The following RASEF variants were observed in gnomAD, a reference collection of about 807,000 sequenced individuals.
RASEF encodes the protein ras and EF-hand domain-containing protein.
RASEF carries 68 observed loss-of-function variants against 90.1 expected under a neutral mutation model. The ratio of observed to expected loss-of-function variants is 0.75; its 90% CI spans 0.62 to 0.92. The LOEUF is 0.92. Ranked by LOEUF, RASEF falls within the 40% of genes least tolerant of loss-of-function variation. RASEF has a pLI of 0.00. For synonymous variants in RASEF, 331 were observed against 345.2 expected, an observed-to-expected ratio of 0.96 and a Z score of 0.46; for missense variants, 949 against 937.2, an observed-to-expected ratio of 1.01 and a Z score of -0.16.
the RASEF span, among the ~76,000 whole-genome samples, chr9:83,112,984 T>TA: frequency 1.2e-4 from 18 of 152,152 alleles, no homozygotes; most frequent in East Asian, 1.9e-4. Flanking sequence ...TTTTATAGTT[T>TA]AAAAAACACT....
the RASEF span, among the ~76,000 whole-genome samples, chr9:83,104,469 G>T: frequency 1.3e-5 from 2 of 152,114 alleles, no homozygotes; most frequent in African/African-American, 4.8e-5. Context: ...TAAAGAGATG[G>T]ACAATATAAG....
At chr9:83,111,821 G>T in the RASEF span, among the ~76,000 whole-genome samples, 1 of 151,720 alleles carries the variant, frequency 6.6e-6, no homozygotes, top group African/African-American at 2.4e-5. Context: ...AACAATGGAA[G>T]AAAGCATAAA....
chr9:83,132,133 G>A, the RASEF span, among the ~76,000 whole-genome samples: 3 of 152,072 alleles, frequency 2.0e-5, no homozygotes, highest in Non-Finnish European at 4.4e-5. Flanking sequence ...GTGACCACTT[G>A]TAATAAAAAA....
intron 1 of RASEF, among the ~76,000 whole-genome samples, chr9:83,044,122 C>G (rs1371630845): frequency 6.6e-6 from 1 of 152,146 alleles, no homozygotes; most frequent in African/African-American, 2.4e-5. Flanking sequence ...CCCATTCCTA[C>G]TGGAAAAAAT....
At chr9:82,999,690 G>A (rs913616308) in intron 12 of RASEF, among the ~76,000 whole-genome samples, 1 of 144,684 alleles carries the variant, frequency 6.9e-6, no homozygotes, top group Admixed American at 7.0e-5. Context: ...TGCAACCTCC[G>A]CCTCCCAGGT....
intron 1 of RASEF, among the ~76,000 whole-genome samples, chr9:83,029,389 CCTT>C (rs1482761604): frequency 2.0e-5 from 3 of 150,076 alleles, no homozygotes; most frequent in Non-Finnish European, 3.0e-5. Context: ...CCCAGACTTG[CCTT>C]CTTTTTTTTT....
At chr9:83,048,373 G>A in intron 1 of RASEF, 3 of 985,294 alleles carry the variant, frequency 3.0e-6, no homozygotes, top group Non-Finnish European at 3.6e-6. Context: ...CTGAGATCTG[G>A]ACCCAGGCCA....
chr9:83,063,927 C>G (rs1221121959), upstream of RASEF, among the ~76,000 whole-genome samples: 1 of 152,208 alleles, frequency 6.6e-6, no homozygotes, highest in Non-Finnish European at 1.5e-5. Flanking sequence ...GACCCTCAGT[C>G]TGTCATACGG....
the RASEF span, among the ~76,000 whole-genome samples, chr9:83,201,491 A>G: frequency 6.6e-6 from 1 of 152,228 alleles, no homozygotes; most frequent in Non-Finnish European, 1.5e-5. Flanking sequence ...CAACTACTTA[A>G]CCAATCTAGT....
chr9:83,080,408 T>C, the RASEF span, among the ~76,000 whole-genome samples: 70,525 of 152,082 alleles, frequency 0.46, 16,808 homozygotes, highest in East Asian at 0.69. Flanking sequence ...CTAAGTATGA[T>C]GGTCTTTGCC....
chr9:83,176,554 A>C, the RASEF span, among the ~76,000 whole-genome samples: 1 of 152,094 alleles, frequency 6.6e-6, no homozygotes, highest in African/African-American at 2.4e-5. Context: ...CATTAAGTGA[A>C]TATTTATTTT....
chr9:83,133,393 A>G, the RASEF span, among the ~76,000 whole-genome samples: 1 of 152,216 alleles, frequency 6.6e-6, no homozygotes, highest in Non-Finnish European at 1.5e-5. Flanking sequence ...GTGAAATGGT[A>G]ATTAAGCTAA....
the RASEF span, among the ~76,000 whole-genome samples, chr9:83,100,219 A>G: frequency 6.6e-6 from 1 of 152,224 alleles, no homozygotes; most frequent in Non-Finnish European, 1.5e-5. Flanking sequence ...TTCAACTTTT[A>G]ATGAATAACT....
At chr9:83,196,998 C>G in the RASEF span, among the ~76,000 whole-genome samples, 1 of 152,226 alleles carries the variant, frequency 6.6e-6, no homozygotes, top group African/African-American at 2.4e-5. Flanking sequence ...TTCTTCTGTA[C>G]TGGTGGCCAC....
chr9:83,119,015 T>C, the RASEF span, among the ~76,000 whole-genome samples: 6 of 151,598 alleles, frequency 4.0e-5, no homozygotes, highest in African/African-American at 1.2e-4. Flanking sequence ...TTTCTTTTTT[T>C]TTTTTTTTTA....
chr9:83,062,978 G>A lies in RASEF; in HGVS notation c.-111C>T. ...CCGGGAGGCCCGGCGAGTTTGGCTCGTCCGGCTGGTTCGGCCACTTGAGGG... is the reference window on the plus strand; with the variant it reads ...CCGGGAGGCCCGGCGAGTTTGGCTCATCCGGCTGGTTCGGCCACTTGAGGG... On this transcript the variant is annotated 5_prime_UTR_variant, in exon 1 of 17. The change creates a new upstream start codon in the 5' untranslated region. Transcript: ENST00000376447. 2.5e-6 allele frequency: 3 copies of A among 1,199,038 alleles called. No homozygotes were observed. Among genetic ancestry groups the A allele is most frequent in the Admixed American group, 8.2e-5 (2 of 24,430 alleles). 74.3% of individuals were successfully genotyped at this position (1,199,038 alleles called of 1,614,324 possible).
the RASEF span, among the ~76,000 whole-genome samples, chr9:83,134,908 A>G: frequency 6.6e-6 from 1 of 152,190 alleles, no homozygotes; most frequent in Admixed American, 6.5e-5. Flanking sequence ...ATTCAGCCAT[A>G]AAAAGGAATG....
the RASEF span, among the ~76,000 whole-genome samples, chr9:83,110,977 C>G: frequency 6.6e-6 from 1 of 152,084 alleles, no homozygotes; most frequent in African/African-American, 2.4e-5. Context: ...TAAGCAAGAA[C>G]TGTGAGAAAC....
chr9:83,112,867 C>A, the RASEF span, among the ~76,000 whole-genome samples: 3 of 151,574 alleles, frequency 2.0e-5, no homozygotes, highest in Non-Finnish European at 2.9e-5. Flanking sequence ...AGAGAAAAGA[C>A]AATGGAGATA....
Sources: gnomAD v4.1 joint callset for allele counts (sites outside exome capture counted in the v4.1 genomes callset) on GRCh38, gnomAD v4.1.1 for gene constraint, MANE v1.5 for transcripts, NCBI Gene and HGNC (gene_info 2026-07-23, HGNC 2026-07-21) for gene names.